Variants in TRIM55 observed in about 807,000 individuals in gnomAD.
TRIM55 encodes the protein tripartite motif containing 55, also known as tripartite motif-containing protein 55.
A neutral mutation model predicts 60.9 loss-of-function variants in TRIM55; 50 were observed. The ratio of observed to expected loss-of-function variants is 0.82; its 90% CI spans 0.65 to 1.04. The LOEUF (loss-of-function observed/expected upper bound fraction) is 1.04. TRIM55 is among the 50% of genes least tolerant of loss of function. The pLI, the probability that TRIM55 is intolerant of heterozygous loss-of-function variation, is 0.00. For missense variants in TRIM55, 681 were observed against 666.9 expected, an observed-to-expected ratio of 1.02 and a Z score of -0.23; for synonymous variants, 237 against 238.1, an observed-to-expected ratio of 1.00 and a Z score of 0.04.
chr8:66,116,491 C>T, the TRIM55 span, among the ~76,000 whole-genome samples: 1 of 151,526 alleles, frequency 6.6e-6, no homozygotes, highest in Admixed American at 6.6e-5. Context: ...CCTGTGATCC[C>T]AGCTGCTCGG....
chr8:66,173,260 G>A (rs1811743963), intron 9 of TRIM55, among the ~76,000 whole-genome samples: 2 of 152,124 alleles, frequency 1.3e-5, no homozygotes, highest in Non-Finnish European at 2.9e-5. Context: ...CTATCAGGAA[G>A]CAATGTGGCA....
At chr8:66,129,705 A>G (rs1351820717) in intron 2 of TRIM55, among the ~76,000 whole-genome samples, 1 of 152,226 alleles carries the variant, frequency 6.6e-6, no homozygotes, top group Non-Finnish European at 1.5e-5. Context: ...ATACAAATAC[A>G]CACTTGTCTC....
chr8:66,175,447 A>G lies in TRIM55; in HGVS notation c.*854A>G, dbSNP rs1023394766. ...AATGCCTCCTTCAGAACATAAGTGT[A>G]ACTTTATATGAACTCTTAAATAAAT... is the stretch of plus-strand genomic sequence containing the variant. On this transcript the variant is annotated 3_prime_UTR_variant, in exon 10 of 10. Transcript: ENST00000315962. The G allele has an allele frequency of 6.6e-6, 1 of 152,196 alleles. No homozygotes were observed. Among genetic ancestry groups the G allele is most frequent in the African/African-American group, 2.4e-5 (1 of 41,452 alleles). 9.4% of individuals were successfully genotyped at this position (152,196 alleles called of 1,614,324 possible).
intron 7 of TRIM55, 113 bp downstream of exon 7, chr8:66,150,579 A>G (rs1253643927): frequency 9.0e-6 from 11 of 1,225,142 alleles, no homozygotes; most frequent in Non-Finnish European, 1.2e-5. Context: ...AATGTCGACA[A>G]CTTTACAAGG....
intron 8 of TRIM55, among the ~76,000 whole-genome samples, chr8:66,152,940 TG>T (rs1336200048): frequency 1.3e-5 from 2 of 151,680 alleles, no homozygotes; most frequent in Non-Finnish European, 2.9e-5. Flanking sequence ...TGTGTGTGTG[TG>T]TGTGTCCATG....
At chr8:66,137,684 G>T (rs890396942) in intron 4 of TRIM55, among the ~76,000 whole-genome samples, 2 of 151,470 alleles carry the variant, frequency 1.3e-5, no homozygotes, top group African/African-American at 4.9e-5. Context: ...GGAGCTCATG[G>T]AGGCCAAGAG....
intron 4 of TRIM55, among the ~76,000 whole-genome samples, chr8:66,140,662 G>A (rs1044470856): frequency 2.0e-5 from 3 of 152,266 alleles, no homozygotes; most frequent in Non-Finnish European, 4.4e-5. Flanking sequence ...TTGCCAGCCT[G>A]CAAGGCAGGA....
At position 66,137,082 on chromosome 8, in the gene TRIM55, T is replaced by C; in HGVS notation, c.508-13T>C. The C allele has an allele frequency of 6.2e-7, 1 of 1,612,304 alleles. No homozygotes were observed. Among genetic ancestry groups the C allele is most frequent in the Non-Finnish European group, 8.5e-7 (1 of 1,178,650 alleles). On this transcript the variant is annotated splice_polypyrimidine_tract_variant and intron_variant, in intron 3 of 9. Transcript: ENST00000315962. The stretch of plus-strand genomic sequence containing the variant: ...ACCCCTAAGATATTGGGTTCATGTT[T>C]TCTCTTCATTAGTCTGAGCTCAGTG...
chr8:66,122,272 A>T (rs1808660950), upstream of TRIM55, among the ~76,000 whole-genome samples: 1 of 152,198 alleles, frequency 6.6e-6, no homozygotes, highest in Admixed American at 6.5e-5. Context: ...AGATAAATGC[A>T]TAAATGGAGA....
At chr8:66,113,630 G>C in the TRIM55 span, 1 of 455,338 alleles carries the variant, frequency 2.2e-6, no homozygotes, top group East Asian at 6.9e-5. Context: ...CTGCGGGAAC[G>C]TGTCCGGGCA....
chr8:66,128,452 A>G lies in TRIM55; in HGVS notation c.317A>G (p.Asp106Gly). 1 of 1,613,504 alleles carries G rather than the reference A, an allele frequency of 6.2e-7. No homozygotes were observed. Among genetic ancestry groups the G allele is most frequent in the South Asian group, 1.1e-5 (1 of 90,884 alleles). ...AACCTGCTGGTGGAAAATATCATTG[A>G]CATCTACAAGCAGGAGTCCACCAGG... is the stretch of plus-strand genomic sequence containing the variant. ...QRNLLVENII[D>G]IYKQESTRPE... The change falls in exon 2 of 10, where the codon GAC becomes GGC. Residue 106 changes from aspartate to glycine, a missense_variant. Physicochemically the swap from Asp to Gly is moderately conservative, Grantham distance 94. Transcript: ENST00000315962.
rs1811595374 is a variant in TRIM55, at chr8:66,171,011, A to G, written c.1525-3460A>G. Among the ~76,000 whole-genome samples the G allele has an allele frequency of 2.0e-5, 3 of 152,202 alleles. No individual in the cohort carries two copies. In the South Asian group the frequency reaches 6.2e-4, roughly 31 times the overall value. ...TCCACGTTACGGACAGTGTTTGCCTAACCCAAACTGAGGTTCGTGTCTAAG... is the reference window on the plus strand; with the variant it reads ...TCCACGTTACGGACAGTGTTTGCCTGACCCAAACTGAGGTTCGTGTCTAAG... On this transcript the variant is annotated intron_variant, in intron 9 of 9. Coordinates refer to ENST00000315962, the MANE Select transcript of TRIM55 (RefSeq NM_184085.2).
intron 9 of TRIM55, among the ~76,000 whole-genome samples, chr8:66,174,100 C>T (rs1189231940): frequency 6.6e-6 from 1 of 151,740 alleles, no homozygotes; most frequent in Non-Finnish European, 1.5e-5. Flanking sequence ...AATTCTGCAA[C>T]CCTTTCTAAA....
rs183550076 is a variant in TRIM55, at chr8:66,146,785, G to T, written c.604-2860G>T. Among the ~76,000 whole-genome samples, 374 of 152,330 alleles carry T rather than the reference G, an allele frequency of 2.5e-3. 1 individual carries two copies. Among genetic ancestry groups the T allele is most frequent in the Non-Finnish European group, 4.3e-3 (294 of 68,026 alleles). ...TTCAGTTTCTAGGCCTGGTTGAACAGTCCGACTCTCAAGCTAAAGGGCTGG... is the reference window on the plus strand; with the variant it reads ...TTCAGTTTCTAGGCCTGGTTGAACATTCCGACTCTCAAGCTAAAGGGCTGG... On this transcript the variant is annotated intron_variant, in intron 4 of 9. Transcript: ENST00000315962.
chr8:66,171,773 G>A (rs1419869108), intron 9 of TRIM55, among the ~76,000 whole-genome samples: 1 of 152,200 alleles, frequency 6.6e-6, no homozygotes, highest in Non-Finnish European at 1.5e-5. Context: ...GATGGGCTGT[G>A]CTTACAGAAA....
intron 9 of TRIM55, among the ~76,000 whole-genome samples, chr8:66,165,341 C>G (rs1385127336): frequency 1.3e-5 from 2 of 151,964 alleles, no homozygotes; most frequent in Non-Finnish European, 2.9e-5. Flanking sequence ...CCACTAGAGA[C>G]TGAGAGGTGA....
At chr8:66,165,316 C>T (rs1356250531) in intron 9 of TRIM55, among the ~76,000 whole-genome samples, 4 of 151,992 alleles carry the variant, frequency 2.6e-5, no homozygotes, top group African/African-American at 7.3e-5. Flanking sequence ...CAAGTGCAAA[C>T]GTCCACTCCA....
At chr8:66,174,137 C>T (rs905087455) in intron 9 of TRIM55, among the ~76,000 whole-genome samples, 1 of 151,018 alleles carries the variant, frequency 6.6e-6, no homozygotes, top group Non-Finnish European at 1.5e-5. Flanking sequence ...TTCAATGAGA[C>T]TTTCATCTGA....
In TRIM55 at chr8:66,127,182, A is replaced by G; in HGVS notation, c.-87A>G. 7.2e-7 allele frequency: 1 copy of G among 1,395,082 alleles called. No individual in the cohort carries two copies. 86.4% of individuals were successfully genotyped at this position (1,395,082 alleles called of 1,614,324 possible). A position where few individuals can be genotyped will look rare whatever the true frequency, so the allele number is the denominator to read the frequency against. On this transcript the variant is annotated 5_prime_UTR_variant, in exon 1 of 10. Coordinates refer to ENST00000315962, the MANE Select transcript of TRIM55 (RefSeq NM_184085.2). Reference sequence around the variant, plus strand: ...AGAAACGTAAAGGACACTTGATCACACAATCCCTGGAATAATATCCAGGAA... The same window carrying G: ...AGAAACGTAAAGGACACTTGATCACGCAATCCCTGGAATAATATCCAGGAA...
Sources: allele counts gnomAD v4.1 joint callset (sites outside exome capture counted in the v4.1 genomes callset), GRCh38; gene constraint gnomAD v4.1.1; transcripts MANE v1.5; gene names NCBI Gene and HGNC (gene_info 2026-07-23, HGNC 2026-07-21).